SPATA6: variants seen among roughly 807,000 people sequenced by gnomAD.
SPATA6 encodes the protein spermatogenesis associated 6.
A neutral mutation model predicts 65.3 loss-of-function variants in SPATA6; 56 were observed. The ratio of observed to expected loss-of-function variants is 0.86; its 90% CI spans 0.69 to 1.07. SPATA6 has a LOEUF of 1.07. Ranked by LOEUF, SPATA6 falls within the 50% of genes least tolerant of loss-of-function variation. The pLI, the probability that SPATA6 is intolerant of heterozygous loss-of-function variation, is 0.00. For missense variants in SPATA6, 590 were observed against 594.8 expected (o/e 0.99, Z 0.08); for synonymous variants, 199 against 213.2 (o/e 0.93, Z 0.58).
chr1:48,427,306 T>TAC (rs1653928483), intron 3 of SPATA6, among the ~76,000 whole-genome samples: 1 of 151,070 alleles, frequency 6.6e-6, no homozygotes, highest in Non-Finnish European at 1.5e-5. Context: ...TGCCTTAAAA[T>TAC]ACAAGAAAAT....
intron 3 of SPATA6, among the ~76,000 whole-genome samples, chr1:48,447,584 T>C (rs1001712324): frequency 2.6e-5 from 4 of 152,194 alleles, no homozygotes; most frequent in African/African-American, 9.7e-5. Flanking sequence ...AACTCCCATC[T>C]TGTTCAAAGG....
chr1:48,280,318 G>C, the SPATA6 span, among the ~76,000 whole-genome samples: 1 of 152,024 alleles, frequency 6.6e-6, no homozygotes, highest in African/African-American at 2.4e-5. Flanking sequence ...CAGAAGGCAA[G>C]AAATAACTAA....
the SPATA6 span, among the ~76,000 whole-genome samples, chr1:48,286,852 C>T: frequency 4.6e-5 from 7 of 151,988 alleles, no homozygotes; most frequent in Non-Finnish European, 8.8e-5. Context: ...GCCTGGCCAA[C>T]ATGGTGAAGC....
chr1:48,319,105 C>T (rs1165446060), intron 11 of SPATA6, among the ~76,000 whole-genome samples: 1 of 152,012 alleles, frequency 6.6e-6, no homozygotes, highest in Non-Finnish European at 1.5e-5. Flanking sequence ...ACACAAAATA[C>T]AAAAATCAAC....
At chr1:48,376,063 T>C (rs1647865469) in intron 9 of SPATA6, among the ~76,000 whole-genome samples, 4 of 152,196 alleles carry the variant, frequency 2.6e-5, no homozygotes, top group African/African-American at 9.6e-5. Flanking sequence ...TTCAGATGCC[T>C]TCACATTCTA....
intron 11 of SPATA6, among the ~76,000 whole-genome samples, chr1:48,331,666 T>C (rs1488932138): frequency 6.6e-6 from 1 of 152,196 alleles, no homozygotes; most frequent in Non-Finnish European, 1.5e-5. Flanking sequence ...GTATCGTCCA[T>C]GAGAACTTCC....
rs768154693 is a variant in SPATA6 at position 48,411,498 on chromosome 1, C to CGG, written c.369_370dup (p.Arg124ProfsTer6). 5.0e-6 allele frequency: 8 copies of CGG among 1,609,024 alleles called. No individual in the cohort carries two copies. In the Admixed American group the frequency reaches 8.4e-5, roughly 17 times the overall value. ...AGAAATCCTCCTCATGGTAACCTGG[C>CGG]GGTTTGAATCATGGTGTCCAGACAT... On this transcript the variant is annotated frameshift_variant, in exon 5 of 13. Coordinates refer to ENST00000371847, the MANE Select transcript of SPATA6 (RefSeq NM_019073.4). LOFTEE classifies it high-confidence loss of function.
intron 11 of SPATA6, among the ~76,000 whole-genome samples, chr1:48,352,500 G>A (rs989629533): frequency 1.3e-5 from 2 of 151,964 alleles, no homozygotes; most frequent in Admixed American, 1.3e-4. Flanking sequence ...TATAGGATTA[G>A]CAAAGAACAG....
intron 6 of SPATA6, chr1:48,401,012 TTC>T (rs140059092): frequency 0.079 from 15,997 of 203,634 alleles, 814 homozygotes; most frequent in East Asian, 0.23. Flanking sequence ...AATCATGAGT[TTC>T]TGTCTTTCAG....
At chr1:48,388,423 A>G (rs1304456681) in intron 8 of SPATA6, among the ~76,000 whole-genome samples, 3 of 152,226 alleles carry the variant, frequency 2.0e-5, no homozygotes, top group Non-Finnish European at 4.4e-5. Context: ...AAGGACAAAG[A>G]AAAAATGAAA....
intron 12 of SPATA6, among the ~76,000 whole-genome samples, chr1:48,301,954 G>T (rs1469513994): frequency 6.6e-6 from 1 of 152,114 alleles, no homozygotes. Context: ...AATGCTTTAG[G>T]ATATTGATCT....
chr1:48,359,495 A>G, intron 10 of SPATA6, 91 bp downstream of exon 10: 1 of 1,388,304 alleles, frequency 7.2e-7, no homozygotes, highest in South Asian at 1.5e-5. Flanking sequence ...ACACTTTTAT[A>G]AACATTCATT....
intron 1 of SPATA6, among the ~76,000 whole-genome samples, chr1:48,470,739 G>A (rs560977506): frequency 6.6e-6 from 1 of 152,122 alleles, no homozygotes; most frequent in African/African-American, 2.4e-5. Context: ...CTGCAAGCAC[G>A]GGTTAAGTGG....
At chr1:48,372,763 A>G (rs929432343) in intron 9 of SPATA6, among the ~76,000 whole-genome samples, 2 of 152,232 alleles carry the variant, frequency 1.3e-5, no homozygotes, top group Admixed American at 6.5e-5. Context: ...CCCAAACCTC[A>G]ATTCTTGACT....
At chr1:48,282,110 C>T in the SPATA6 span, among the ~76,000 whole-genome samples, 1 of 152,144 alleles carries the variant, frequency 6.6e-6, no homozygotes, top group East Asian at 1.9e-4. Flanking sequence ...ATAGATGGTG[C>T]TGGGAAAACT....
chr1:48,428,015 G>A (rs193011994), intron 3 of SPATA6, among the ~76,000 whole-genome samples: 68 of 152,208 alleles, frequency 4.5e-4, no homozygotes, highest in African/African-American at 1.6e-3. Flanking sequence ...ATTCACTTAG[G>A]ATAATGGCCT....
At chr1:48,463,040 A>G (rs923340857) in intron 1 of SPATA6, among the ~76,000 whole-genome samples, 1 of 152,150 alleles carries the variant, frequency 6.6e-6, no homozygotes, top group Non-Finnish European at 1.5e-5. Context: ...ACAGAACTGC[A>G]GGTTCTCAAC....
At chr1:48,384,454 T>C (rs967228462) in intron 9 of SPATA6, among the ~76,000 whole-genome samples, 1 of 149,144 alleles carries the variant, frequency 6.7e-6, no homozygotes, top group Non-Finnish European at 1.5e-5. Flanking sequence ...CCACATATAA[T>C]AACACTTACT....
intron 3 of SPATA6, among the ~76,000 whole-genome samples, chr1:48,444,542 G>A (rs1570598842): frequency 6.6e-6 from 1 of 150,940 alleles, no homozygotes; most frequent in Non-Finnish European, 1.5e-5. Context: ...TCAGCACTCT[G>A]TAAAACGGAC....
Sources: gnomAD v4.1 joint callset for allele counts (sites outside exome capture counted in the v4.1 genomes callset) on GRCh38, gnomAD v4.1.1 for gene constraint, MANE v1.5 for transcripts, NCBI Gene and HGNC (gene_info 2026-07-23, HGNC 2026-07-21) for gene names.